The following KCNN1 variants were observed in gnomAD, a reference collection of about 807,000 sequenced individuals.
The protein encoded by KCNN1 is small conductance calcium-activated potassium channel protein 1.
Under a neutral mutation model 44.7 loss-of-function variants are expected in KCNN1, and 20 were observed. That is an observed-to-expected ratio of 0.45 (90% CI 0.32 to 0.65). The LOEUF (loss-of-function observed/expected upper bound fraction) is 0.65. Among genes scored for constraint, KCNN1 ranks in the 30% least tolerant of loss-of-function variants. KCNN1 has a pLI of 0.05. For synonymous variants in KCNN1, 324 were observed against 341.7 expected (o/e 0.95, Z 0.57); for missense variants, 632 against 785.3 (o/e 0.80, Z 2.33).
At chr19:17,988,674 G>T (rs1303552139) in intron 6 of KCNN1, 149 bp downstream of exon 6, 1 of 671,136 alleles carries the variant, frequency 1.5e-6, no homozygotes, top group Non-Finnish European at 2.6e-6. Context: ...GCTTTGGGAG[G>T]CCAAGGCAGG....
chr19:17,998,297 G>A lies in KCNN1; in HGVS notation c.1523G>A (p.Arg508His), dbSNP rs1351577896. The change falls in exon 10 of 10, where the codon CGC (arginine) becomes CAC (histidine). Residue 508 changes from arginine (R) to histidine (H), a missense_variant. Arg to His is a conservative substitution (Grantham distance 29, BLOSUM62 0). This residue lies in a region of KCNN1 where 237 missense variants were observed against 253.0 expected (regional missense o/e 0.94). Coordinates refer to ENST00000684775, the MANE Select transcript of KCNN1 (RefSeq NM_001386974.1). This position sits in a 1 kb window ranked among gnomAD's most constrained non-coding sequence, Gnocchi z 5.4. ...CCTGGCCTCATCGCCCAAGCCATAC[G>A]CCCACCCCCGCCTCCCCTGCCTCCC... ...ALPGLIAQAI[R>H]PPPPPLPPRP... 5 of 1,544,218 alleles carry A rather than the reference G, an allele frequency of 3.2e-6. No individual in the cohort carries two copies. The highest frequency in any genetic ancestry group is 1.9e-5 in the Admixed American group (1 of 51,500).
At position 17,974,202 on chromosome 19, in the gene KCNN1, G is replaced by A. The variant is rs1424610892; in HGVS notation, c.314G>A (p.Arg105His). The A allele has an allele frequency of 3.7e-6, 6 of 1,613,224 alleles. No individual in the cohort carries two copies. Among genetic ancestry groups the A allele is most frequent in the East Asian group, 2.2e-5 (1 of 44,878 alleles). Residue 105 changes from arginine to histidine, a missense_variant, in exon 2 of 10, where the codon CGC becomes CAC. Physicochemically the swap from Arg to His is conservative, Grantham distance 29. Coordinates refer to ENST00000684775, the MANE Select transcript of KCNN1 (RefSeq NM_001386974.1). This position sits in a 1 kb window ranked among gnomAD's most constrained non-coding sequence, Gnocchi z 7.3. ...CGGGCGCTCTTCGAGAAGCGGAAGC[G>A]CCTCAGCGACTATGCCCTCATTTTC... ...HRRALFEKRK[R>H]LSDYALIFGM...
chr19:17,966,015 G>T (rs969000819), upstream of KCNN1, among the ~76,000 whole-genome samples: 1 of 124,384 alleles, frequency 8.0e-6, no homozygotes, highest in Admixed American at 8.3e-5. Context: ...CTGCCTGCCT[G>T]CCTGCCTGCC....
intron 1 of KCNN1, among the ~76,000 whole-genome samples, chr19:17,968,506 T>TATCACTG: frequency 6.6e-6 from 1 of 151,976 alleles, no homozygotes; most frequent in East Asian, 1.9e-4. Context: ...CAGGGGTACC[T>TATCACTG]AGGGCCCCTT....
rs1212805622 is a variant in KCNN1 at position 17,993,354 on chromosome 19, G to A, written c.1308-136G>A. ...GGGAGGGAATAGACTACAGGGAATCGGCCTCCCAACTCCCACCTCATCCTC... is the reference window on the plus strand; with the variant it reads ...GGGAGGGAATAGACTACAGGGAATCAGCCTCCCAACTCCCACCTCATCCTC... On this transcript the variant is annotated intron_variant, in intron 8 of 9. Transcript: ENST00000684775. The surrounding 1 kb of genome is among the most constrained non-coding windows in gnomAD (Gnocchi z 4.5). 2.1e-5 allele frequency: 15 copies of A among 724,618 alleles called. No individual in the cohort carries two copies. The highest frequency in any genetic ancestry group is 8.1e-5 in the East Asian group (3 of 37,104). The allele number at this position is 724,618 out of a possible 1,614,324, so 44.9% of individuals were successfully genotyped here.
intron 9 of KCNN1, among the ~76,000 whole-genome samples, chr19:17,995,904 C>A (rs1599382991): frequency 6.6e-6 from 1 of 152,120 alleles, no homozygotes; most frequent in South Asian, 2.1e-4. Flanking sequence ...GTTTTGACGC[C>A]CCCTCACCCC....
At chr19:17,985,070 C>T (rs1372957644) in intron 4 of KCNN1, among the ~76,000 whole-genome samples, 2 of 152,110 alleles carry the variant, frequency 1.3e-5, no homozygotes, top group African/African-American at 4.8e-5. Flanking sequence ...TATGTTCATA[C>T]AACCTCACCT....
intron 2 of KCNN1, among the ~76,000 whole-genome samples, chr19:17,960,108 CA>C (rs796161907): frequency 1.7e-3 from 230 of 135,146 alleles, no homozygotes; most frequent in African/African-American, 2.8e-3. Context: ...AACAAAAAAA[CA>C]AAAAAAAAAA....
At chr19:17,963,415 C>A (rs1009392300), upstream of KCNN1, among the ~76,000 whole-genome samples, 1 of 151,612 alleles carries the variant, frequency 6.6e-6, no homozygotes, top group Non-Finnish European at 1.5e-5. Flanking sequence ...CAAGTTCAAG[C>A]GATTCTCCTG....
At chr19:17,986,059 C>T (rs2032583519) in intron 5 of KCNN1, among the ~76,000 whole-genome samples, 1 of 152,024 alleles carries the variant, frequency 6.6e-6, no homozygotes, top group Admixed American at 6.6e-5. Context: ...TGGAGAAACC[C>T]TGTCTCTACT....
chr19:17,996,462 C>T (rs1465303800), intron 9 of KCNN1, among the ~76,000 whole-genome samples: 1 of 151,980 alleles, frequency 6.6e-6, no homozygotes, highest in Non-Finnish European at 1.5e-5. Context: ...AAAAATTAGC[C>T]GGGTGTGGTA....
Position 17,975,190 on chromosome 19 carries a change from C to A in KCNN1, c.498+3C>A. On this transcript the variant is annotated splice_donor_region_variant and intron_variant, in intron 3 of 9. Coordinates refer to ENST00000684775, the MANE Select transcript of KCNN1 (RefSeq NM_001386974.1). Reference sequence around the variant, plus strand: ...TCTACCATGCCCGGGAGATCCAGGTCAGTGCTGAATACTGCAGGAAGCAGC... The same window carrying A: ...TCTACCATGCCCGGGAGATCCAGGTAAGTGCTGAATACTGCAGGAAGCAGC... 1 of 1,611,064 alleles carries A rather than the reference C, an allele frequency of 6.2e-7. No homozygotes were observed. The highest frequency in any genetic ancestry group is 1.1e-5 in the South Asian group (1 of 91,008).
chr19:17,962,065 G>A (rs1600002047), intron 2 of KCNN1, among the ~76,000 whole-genome samples: 2 of 152,266 alleles, frequency 1.3e-5, no homozygotes, highest in African/African-American at 4.8e-5. Flanking sequence ...GCAAATTTAT[G>A]GGATCGGTTG....
chr19:17,981,994 G>T lies in KCNN1; in HGVS notation c.784G>T (p.Ala262Ser). 1 of 1,610,736 alleles carries T rather than the reference G, an allele frequency of 6.2e-7. No homozygotes were observed. Among genetic ancestry groups the T allele is most frequent in the Non-Finnish European group, 8.5e-7 (1 of 1,178,676 alleles). ...FTDASSRSIG[A>S]LNKITFNTRF... ...GGACGCCTCGAGCCGCAGCATCGGGGCCCTCAACAAGATCACCTTCAACAC... is the reference window on the plus strand; with the variant it reads ...GGACGCCTCGAGCCGCAGCATCGGGTCCCTCAACAAGATCACCTTCAACAC... The change falls in exon 4 of 10, where the codon GCC (alanine) becomes TCC (serine). Residue 262 changes from alanine to serine, a missense_variant. Transcript: ENST00000684775.
intron 3 of KCNN1, 47 bp from the exon 4 acceptor site, chr19:17,981,662 C>T (rs1423337758): frequency 4.6e-6 from 7 of 1,515,372 alleles, no homozygotes; most frequent in South Asian, 1.3e-5. Flanking sequence ...GCAGGGAGCG[C>T]GGCGCGTGTC....
chr19:17,975,109 C>A lies in KCNN1; in HGVS notation c.420C>A (p.Phe140Leu). The change falls in exon 3 of 10, where the codon TTC (phenylalanine) becomes TTA (leucine). Residue 140 changes from phenylalanine to leucine, a missense_variant. By Grantham distance (22) the Phe-to-Leu change is conservative (BLOSUM62 0). Around this residue, in one of 3 missense-constraint regions of KCNN1, gnomAD observed 235 missense variants for 224.0 expected, o/e 1.05. Coordinates refer to ENST00000684775, the MANE Select transcript of KCNN1 (RefSeq NM_001386974.1). Reference sequence around the variant, plus strand: ...TTTACCAGGAGTCTCTGTACTCATTCGCACTCAAATGCCTCATCAGCCTCT... The same window carrying A: ...TTTACCAGGAGTCTCTGTACTCATTAGCACTCAAATGCCTCATCAGCCTCT... ...GVYTKESLYS[F>L]ALKCLISLST... The A allele has an allele frequency of 6.2e-7, 1 of 1,613,614 alleles. No homozygotes were observed. Among genetic ancestry groups the A allele is most frequent in the Non-Finnish European group, 8.5e-7 (1 of 1,179,612 alleles).
chr19:17,983,946 A>G lies in KCNN1; in HGVS notation c.918-1366A>G, dbSNP rs982741909. On this transcript the variant is annotated intron_variant, in intron 4 of 9. Coordinates refer to ENST00000684775, the MANE Select transcript of KCNN1 (RefSeq NM_001386974.1). This position sits in a 1 kb window ranked among gnomAD's most constrained non-coding sequence, Gnocchi z 4.5. ...GCCGAGGCGGGTGGATTACCAGGTC[A>G]GGAGATTGAGACCATCCTGGCTAAC... Among the ~76,000 whole-genome samples, 5 of 151,974 alleles carry G rather than the reference A, an allele frequency of 3.3e-5. No homozygotes were observed. Among genetic ancestry groups the G allele is most frequent in the African/African-American group, 9.7e-5 (4 of 41,366 alleles).
chr19:17,985,255 GAGGCAAA>G, intron 4 of KCNN1, 50 bp from the exon 5 acceptor site: 1 of 1,471,872 alleles, frequency 6.8e-7, no homozygotes. Context: ...GGGTGTGATG[GAGGCAAA>G]GGGGATGGTA....
At chr19:17,955,919 T>G (rs544162862) in intron 2 of KCNN1, among the ~76,000 whole-genome samples, 1 of 151,668 alleles carries the variant, frequency 6.6e-6, no homozygotes, top group Non-Finnish European at 1.5e-5. Context: ...TTTTTAGTTT[T>G]GTTTTGTTTT....
Sources: allele counts gnomAD v4.1 joint callset (sites outside exome capture counted in the v4.1 genomes callset), GRCh38; gene constraint gnomAD v4.1.1; regional missense constraint gnomAD v4.1.1; non-coding constraint Gnocchi (gnomAD v3.1); transcripts MANE v1.5; gene names NCBI Gene and HGNC (gene_info 2026-07-23, HGNC 2026-07-21).